The following PLSCR2 variants were observed in gnomAD, a reference collection of about 807,000 sequenced individuals.
The protein encoded by PLSCR2 is PL scramblase 2.
In PLSCR2, 18 loss-of-function variants were observed where a neutral mutation model predicts 25.3. The ratio of observed to expected loss-of-function variants is 0.71; its 90% CI spans 0.49 to 1.06. The LOEUF is 1.06. Among genes scored for constraint, PLSCR2 ranks in the 50% least tolerant of loss-of-function variants. The pLI, the probability that PLSCR2 is intolerant of heterozygous loss-of-function variation, is 0.00. For synonymous variants in PLSCR2, 88 were observed against 87.3 expected (o/e 1.01, Z -0.04); for missense variants, 243 against 269.5 (o/e 0.90, Z 0.69).
chr3:146,456,350 T>A (rs955703736), intron 3 of PLSCR2, among the ~76,000 whole-genome samples: 10 of 152,140 alleles, frequency 6.6e-5, no homozygotes, highest in Non-Finnish European at 1.5e-4. Context: ...CAAGTCCTAT[T>A]ACCATAAACT....
intron 3 of PLSCR2, among the ~76,000 whole-genome samples, chr3:146,395,228 AAAAAT>A (rs993463981): frequency 3.3e-5 from 5 of 152,236 alleles, no homozygotes; most frequent in African/African-American, 1.2e-4. Context: ...ATATTATTAG[AAAAAT>A]AAAATAATAG....
chr3:146,492,437 A>G (rs1233201543), intron 1 of PLSCR2, among the ~76,000 whole-genome samples: 1 of 152,200 alleles, frequency 6.6e-6, no homozygotes, highest in African/African-American at 2.4e-5. Context: ...AAAAAAAATC[A>G]TACTCATCAC....
upstream of PLSCR2, chr3:146,461,958 T>C: frequency 8.5e-7 from 1 of 1,172,278 alleles, no homozygotes; most frequent in Non-Finnish European, 1.1e-6. Flanking sequence ...TTTCATAAGC[T>C]AAAAAAAAAA....
Position 146,482,946 on chromosome 3 carries a change from A to G in PLSCR2, c.-293+12949T>C, listed in dbSNP as rs550815984. ...TGCAGGGATATGGATGAAGCTGGAA[A>G]CCATCATTCTCAGAAAACTATCACA... is the stretch of plus-strand genomic sequence containing the variant. On this transcript the variant is annotated intron_variant, in intron 1 of 8. Coordinates refer to the PLSCR2 transcript ENST00000336685. Among the ~76,000 whole-genome samples the G allele has an allele frequency of 1.1e-4, 17 of 152,252 alleles. No individual in the cohort carries two copies. In the South Asian group the frequency reaches 1.7e-3, roughly 15 times the overall value.
At chr3:146,467,761 C>T (rs1451914116) in intron 1 of PLSCR2, among the ~76,000 whole-genome samples, 1 of 151,922 alleles carries the variant, frequency 6.6e-6, no homozygotes, top group African/African-American at 2.4e-5. Context: ...TCAGGAAAGT[C>T]AGAGCGGAGA....
chr3:146,465,263 T>C (rs146223759), upstream of PLSCR2, among the ~76,000 whole-genome samples: 1,515 of 152,320 alleles, frequency 9.9e-3, 6 homozygotes, highest in Non-Finnish European at 0.016. Flanking sequence ...TCTCTATTTT[T>C]AGATAAGATG....
intron 2 of PLSCR2, among the ~76,000 whole-genome samples, chr3:146,422,885 T>C (rs1006466616): frequency 1.3e-5 from 2 of 152,024 alleles, no homozygotes; most frequent in Non-Finnish European, 2.9e-5. Context: ...GGGGTAAACC[T>C]GGTATAATAA....
chr3:146,478,154 A>T (rs1247181674), intron 1 of PLSCR2, among the ~76,000 whole-genome samples: 1 of 152,208 alleles, frequency 6.6e-6, no homozygotes, highest in African/African-American at 2.4e-5. Context: ...CAAAGCAGAA[A>T]ATTCTAAAAA....
intron 6 of PLSCR2, among the ~76,000 whole-genome samples, chr3:146,448,676 A>G (rs1046236236): frequency 2.0e-5 from 3 of 152,188 alleles, no homozygotes; most frequent in Non-Finnish European, 4.4e-5. Flanking sequence ...GAATGGCCTG[A>G]TACTTGAGGG....
chr3:146,462,308 T>TCAAACTCAA (rs2041628012), upstream of PLSCR2, among the ~76,000 whole-genome samples: 2 of 152,032 alleles, frequency 1.3e-5, no homozygotes, highest in Admixed American at 1.3e-4. Context: ...CCCAGGCTGG[T>TCAAACTCAA]CTCAAACTCC....
chr3:146,472,384 C>T (rs577118844), intron 1 of PLSCR2, among the ~76,000 whole-genome samples: 44 of 152,288 alleles, frequency 2.9e-4, no homozygotes, highest in Middle Eastern at 3.4e-3. Context: ...GACTTCTTTT[C>T]ATGTAGTTCA....
chr3:146,409,742 G>A (rs2038784200), intron 2 of PLSCR2, among the ~76,000 whole-genome samples: 1 of 152,068 alleles, frequency 6.6e-6, no homozygotes. Context: ...ACTCTTACAA[G>A]GCTGGGAGGA....
chr3:146,453,017 G>A (rs1293265061), intron 5 of PLSCR2, among the ~76,000 whole-genome samples: 1 of 151,762 alleles, frequency 6.6e-6, no homozygotes, highest in Non-Finnish European at 1.5e-5. Context: ...CATTTTAAAG[G>A]TCTCTACAAC....
chr3:146,399,380 G>A (rs1160333458), intron 2 of PLSCR2, among the ~76,000 whole-genome samples: 1 of 151,732 alleles, frequency 6.6e-6, no homozygotes, highest in Non-Finnish European at 1.5e-5. Context: ...AAACATAGAT[G>A]CAATCCTCAA....
downstream of PLSCR2, among the ~76,000 whole-genome samples, chr3:146,431,882 T>G (rs927577948): frequency 6.6e-6 from 1 of 151,124 alleles, no homozygotes; most frequent in Non-Finnish European, 1.5e-5. Context: ...AAAAAAAGAC[T>G]TTATTATCTT....
chr3:146,490,398 T>C (rs770304746), intron 1 of PLSCR2, among the ~76,000 whole-genome samples: 7 of 152,060 alleles, frequency 4.6e-5, no homozygotes, highest in Non-Finnish European at 1.0e-4. Context: ...CCTTCCTTCT[T>C]TGAAAATGAA....
intron 1 of PLSCR2, among the ~76,000 whole-genome samples, chr3:146,478,378 C>A (rs562581144): frequency 1.3e-5 from 2 of 152,092 alleles, no homozygotes; most frequent in African/African-American, 4.8e-5. Flanking sequence ...CTAGAAAAAA[C>A]AGTGTAGAGA....
intron 1 of PLSCR2, among the ~76,000 whole-genome samples, chr3:146,485,264 T>C (rs1220999158): frequency 6.6e-6 from 1 of 152,102 alleles, no homozygotes; most frequent in African/African-American, 2.4e-5. Flanking sequence ...TCTAAATATA[T>C]ATGCGCCCAA....
At chr3:146,494,218 A>G (rs2043664740) in intron 1 of PLSCR2, among the ~76,000 whole-genome samples, 1 of 151,972 alleles carries the variant, frequency 6.6e-6, no homozygotes, top group African/African-American at 2.4e-5. Flanking sequence ...CTTATTCTGA[A>G]TTGTTTTGTG....
Sources: gnomAD v4.1 joint callset for allele counts (sites outside exome capture counted in the v4.1 genomes callset) on GRCh38, gnomAD v4.1.1 for gene constraint, MANE v1.5 for transcripts, NCBI Gene and HGNC (gene_info 2026-07-23, HGNC 2026-07-21) for gene names.